The following PDE9A variants were observed in gnomAD, a reference collection of about 807,000 sequenced individuals.
The protein encoded by PDE9A is phosphodiesterase 9A.
In PDE9A, 60 loss-of-function variants were observed where a neutral mutation model predicts 87.4. The observed-to-expected ratio is 0.69, with a 90% confidence interval of 0.56 to 0.85. PDE9A has a LOEUF of 0.85. PDE9A is among the 40% of genes least tolerant of loss of function. The pLI, the probability that PDE9A is intolerant of heterozygous loss-of-function variation, is 0.00. For missense variants in PDE9A, 665 were observed against 779.0 expected, an observed-to-expected ratio of 0.85 and a Z score of 1.74; for synonymous variants, 272 against 279.4, an observed-to-expected ratio of 0.97 and a Z score of 0.27.
In PDE9A at chr21:42,769,756, G is replaced by A. The variant is rs1158675019; in HGVS notation, c.1590+601G>A. 1.4e-5 allele frequency among the ~76,000 whole-genome samples: 2 copies of A among 143,910 alleles called. 1 individual carries two copies. Among genetic ancestry groups the A allele is most frequent in the African/African-American group, 5.0e-5 (2 of 39,670 alleles). The allele number at this position is 143,910 out of a possible 152,430, so 94.4% of individuals were successfully genotyped here. A position where few individuals can be genotyped will look rare whatever the true frequency, so the allele number is the denominator to read the frequency against. On this transcript the variant is annotated intron_variant, in intron 17 of 19. Transcript: ENST00000291539. ...CAGAGGCACACACATGCACACACAG[G>A]TATGCACATGCACGCACACAGGTAC...
In PDE9A at chr21:42,753,957, G is replaced by T. The variant is rs200634868; in HGVS notation, c.736-33G>T. On this transcript the variant is annotated intron_variant, in intron 9 of 19. Transcript: ENST00000291539. Reference sequence around the variant, plus strand: ...CACATCACTGTCACAGGCCCACGGCGCCTGGTTAACACGGAACTCCTGTCC... The same window carrying T: ...CACATCACTGTCACAGGCCCACGGCTCCTGGTTAACACGGAACTCCTGTCC... 1.5e-5 allele frequency: 20 copies of T among 1,330,962 alleles called. No homozygotes were observed. The East Asian group carries it at 3.9e-4, about 26-fold the overall frequency. 82.4% of individuals were successfully genotyped at this position (1,330,962 alleles called of 1,614,324 possible).
chr21:42,758,999 A>G lies in PDE9A; in HGVS notation c.811A>G (p.Met271Val), dbSNP rs1294860562. 1.2e-6 allele frequency: 2 copies of G among 1,613,060 alleles called. No individual in the cohort carries two copies. The highest frequency in any genetic ancestry group is 1.7e-5 in the Admixed American group (1 of 60,022). The change falls in exon 11 of 20, where the codon ATG becomes GTG. Residue 271 changes from methionine to valine, a missense_variant and splice_region_variant. Coordinates refer to ENST00000291539, the MANE Select transcript of PDE9A (RefSeq NM_002606.3). Reference sequence around the variant, plus strand: ...GCCTATCCTTCTCCTGTGCCCACAGATGCTGAGCTGCCTGGAGCACATGTA... The same window carrying G: ...GCCTATCCTTCTCCTGTGCCCACAGGTGCTGAGCTGCCTGGAGCACATGTA... ...FDVWLWEPNE[M>V]LSCLEHMYHD... is the part of the protein sequence containing the mutation.
rs540626064 is a variant in PDE9A, at chr21:42,711,264, T to TG, written c.262+12253_262+12254insG. Among the ~76,000 whole-genome samples the TG allele has an allele frequency of 1.3e-4, 20 of 151,922 alleles. No individual in the cohort carries two copies. In the South Asian group the frequency reaches 1.9e-3, roughly 14 times the overall value. On this transcript the variant is annotated intron_variant, in intron 4 of 19. Coordinates refer to ENST00000291539, the MANE Select transcript of PDE9A (RefSeq NM_002606.3). ...GTCTTCTCTAATAAGTTTTGTTTTT[T>TG]TTTTTTTTTGAGACAAGGTTTCTTG...
intron 5 of PDE9A, 42 bp downstream of exon 5, chr21:42,731,991 C>T (rs779399090): frequency 4.3e-6 from 7 of 1,611,420 alleles, no homozygotes; most frequent in South Asian, 3.3e-5. Context: ...CCCCCCAACA[C>T]GTGGGATTCG....
chr21:42,671,982 A>G (rs1218440902), intron 1 of PDE9A, among the ~76,000 whole-genome samples: 2 of 148,728 alleles, frequency 1.3e-5, no homozygotes, highest in Non-Finnish European at 2.9e-5. Context: ...TTGAGGGCAG[A>G]CAAAGCCTAG....
intron 7 of PDE9A, chr21:42,741,754 G>A (rs1200261077): frequency 6.6e-6 from 1 of 152,118 alleles, no homozygotes; most frequent in Non-Finnish European, 1.5e-5. Context: ...CTGGGCCACT[G>A]TACTGGGAGA....
chr21:42,751,331 G>T (rs1160125596), intron 9 of PDE9A, 134 bp downstream of exon 9: 6 of 722,984 alleles, frequency 8.3e-6, no homozygotes, highest in Non-Finnish European at 1.5e-5. Context: ...GGCCGCTGAC[G>T]GTGCGGGTTA....
rs1258456319 is a variant in PDE9A, at chr21:42,686,267, G to A, written c.140+5G>A. ...CATCGCCACCGGCCTGCCTCGGTGA[G>A]TGCGCGCTGCGGGCTCTGCCCGGTG... On this transcript the variant is annotated splice_donor_5th_base_variant and intron_variant, in intron 2 of 19. Transcript: ENST00000291539. 1 of 1,611,850 alleles carries A rather than the reference G, an allele frequency of 6.2e-7. No homozygotes were observed. The highest frequency in any genetic ancestry group is 8.5e-7 in the Non-Finnish European group (1 of 1,178,172).
At chr21:42,671,853 C>T (rs1039902402) in intron 1 of PDE9A, among the ~76,000 whole-genome samples, 1 of 152,200 alleles carries the variant, frequency 6.6e-6, no homozygotes, top group Admixed American at 6.5e-5. Flanking sequence ...TTAACTCCCT[C>T]AAAGATAGAA....
At chr21:42,726,624 A>ATATATATATTTTTTTTTTTTT in intron 4 of PDE9A, among the ~76,000 whole-genome samples, 5 of 19,778 alleles carry the variant, frequency 2.5e-4, no homozygotes, top group African/African-American at 3.4e-4. Flanking sequence ...ATATATATAT[A>ATATATATATTTTTTTTTTTTT]TTTTTTTTTT....
At chr21:42,655,625 G>A (rs2057003408) in intron 1 of PDE9A, among the ~76,000 whole-genome samples, 1 of 152,168 alleles carries the variant, frequency 6.6e-6, no homozygotes, top group Non-Finnish European at 1.5e-5. Flanking sequence ...GGCTCCCCAA[G>A]CTGGCATCCC....
At chr21:42,672,196 T>C (rs929921281) in intron 1 of PDE9A, among the ~76,000 whole-genome samples, 1 of 152,248 alleles carries the variant, frequency 6.6e-6, no homozygotes, top group Non-Finnish European at 1.5e-5. Context: ...CATCCCGTTA[T>C]GGCCACGAGC....
chr21:42,732,158 G>A (rs1379841130), intron 6 of PDE9A, 34 bp downstream of exon 6: 1 of 1,594,964 alleles, frequency 6.3e-7, no homozygotes, highest in Non-Finnish European at 8.6e-7. Flanking sequence ...ACCAGCCAGA[G>A]ATGGGCACAT....
chr21:42,686,253 G>T lies in PDE9A; in HGVS notation c.131G>T (p.Gly44Val), dbSNP rs1180026819. The change falls in exon 2 of 20, where the codon GGC becomes GTC. Residue 44 changes from glycine (G) to valine (V), a missense_variant. Transcript: ENST00000291539. ...DIMDLFCIAT[G>V]LPRNTTISLL... is the part of the protein sequence containing the mutation. ...ATGGACCTGTTCTGCATCGCCACCG[G>T]CCTGCCTCGGTGAGTGCGCGCTGCG... is the stretch of plus-strand genomic sequence containing the variant. 1 of 1,612,862 alleles carries T rather than the reference G, an allele frequency of 6.2e-7. No homozygotes were observed. Among genetic ancestry groups the T allele is most frequent in the Non-Finnish European group, 8.5e-7 (1 of 1,178,900 alleles).
At chr21:42,719,044 C>T (rs1178268683) in intron 4 of PDE9A, among the ~76,000 whole-genome samples, 1 of 151,658 alleles carries the variant, frequency 6.6e-6, no homozygotes, top group African/African-American at 2.4e-5. Flanking sequence ...ATTTATCAAG[C>T]CTCTCTAACT....
chr21:42,750,972 T>C, intron 8 of PDE9A, 144 bp from the exon 9 acceptor site: 1 of 679,200 alleles, frequency 1.5e-6, no homozygotes, highest in Non-Finnish European at 2.7e-6. Flanking sequence ...TTCGAGTGAG[T>C]TGCTGCTGCC....
chr21:42,682,866 A>T (rs2059243932), intron 1 of PDE9A, among the ~76,000 whole-genome samples: 1 of 152,214 alleles, frequency 6.6e-6, no homozygotes, highest in African/African-American at 2.4e-5. Flanking sequence ...CCCCAATTTT[A>T]TCCTGGCAAG....
intron 19 of PDE9A, among the ~76,000 whole-genome samples, chr21:42,773,134 C>T (rs1254808232): frequency 2.7e-5 from 4 of 150,902 alleles, no homozygotes; most frequent in African/African-American, 9.7e-5. Context: ...TTGTGGCGTG[C>T]ACCTGTAGTC....
In PDE9A at chr21:42,760,631, C is replaced by T. The variant is rs2147099283; in HGVS notation, c.1003-194C>T. ...GAGGCTGCTCCTAGGATTACGAGAG[C>T]AGGTGAGTCCCCGACCTGGTCACCC... On this transcript the variant is annotated intron_variant, in intron 12 of 19. Transcript: ENST00000291539. The surrounding 1 kb of genome is among the most constrained non-coding windows in gnomAD (Gnocchi z 5.2). Among the ~76,000 whole-genome samples, 1 of 152,164 alleles carries T rather than the reference C, an allele frequency of 6.6e-6. No homozygotes were observed. The highest frequency in any genetic ancestry group is 2.4e-5 in the African/African-American group (1 of 41,528).
Sources: allele counts gnomAD v4.1 joint callset (sites outside exome capture counted in the v4.1 genomes callset), GRCh38; gene constraint gnomAD v4.1.1; non-coding constraint Gnocchi (gnomAD v3.1); transcripts MANE v1.5; gene names NCBI Gene and HGNC (gene_info 2026-07-23, HGNC 2026-07-21).